ANXA8: variants seen among roughly 807,000 people sequenced by gnomAD.
ANXA8 encodes annexin A8.
ANXA8 carries 9 observed loss-of-function variants against 26.8 expected under a neutral mutation model. The observed-to-expected ratio is 0.34, with a 90% CI of 0.20 to 0.59. ANXA8 has a LOEUF of 0.59. Among genes scored for constraint, ANXA8 ranks in the 20% least tolerant of loss-of-function variants. ANXA8 has a pLI of 0.84. For synonymous variants in ANXA8, 39 were observed against 94.8 expected (o/e 0.41, Z 3.42); for missense variants, 83 against 238.5 (o/e 0.35, Z 4.29).
At chr10:47,639,292 C>T in the ANXA8 span, among the ~76,000 whole-genome samples, 6 of 137,754 alleles carry the variant, frequency 4.4e-5, no homozygotes, top group Admixed American at 2.2e-4. Context: ...GCTACCACGC[C>T]CGGCTAATTA....
the ANXA8 span, chr10:47,502,743 A>C: frequency 2.0e-6 from 3 of 1,535,150 alleles, no homozygotes; most frequent in South Asian, 2.3e-5. Flanking sequence ...CCATGGCCTC[A>C]CTCTGGCTGG....
chr10:47,669,979 A>G, the ANXA8 span, among the ~76,000 whole-genome samples: 1 of 151,852 alleles, frequency 6.6e-6, no homozygotes, highest in Non-Finnish European at 1.5e-5. Context: ...CTATCACACC[A>G]AAAAGAAACC....
the ANXA8 span, among the ~76,000 whole-genome samples, chr10:47,520,845 A>C: frequency 3.8e-5 from 5 of 131,620 alleles, no homozygotes; most frequent in Non-Finnish European, 4.7e-5. Context: ...ATTTAAAAAA[A>C]AAAAAAAAAA....
chr10:47,547,357 C>G, the ANXA8 span, among the ~76,000 whole-genome samples: 1 of 141,404 alleles, frequency 7.1e-6, no homozygotes, highest in Non-Finnish European at 1.5e-5. Flanking sequence ...AAGCATAGAA[C>G]AGTGTATAAA....
chr10:47,620,975 A>G, the ANXA8 span, among the ~76,000 whole-genome samples: 1 of 110,122 alleles, frequency 9.1e-6, no homozygotes, highest in Non-Finnish European at 2.0e-5. Flanking sequence ...AGAGATTTAG[A>G]GCATTTTTCT....
At chr10:47,469,700 G>A (rs1175403907) in intron 11 of ANXA8, among the ~76,000 whole-genome samples, 1 of 151,232 alleles carries the variant, frequency 6.6e-6, no homozygotes, top group Non-Finnish European at 1.5e-5. Context: ...GGCCAAGAGA[G>A]GGGAGTGAAT....
chr10:47,582,430 T>C, the ANXA8 span: 2 of 142,412 alleles, frequency 1.4e-5, no homozygotes, highest in South Asian at 2.2e-4. Flanking sequence ...AGAATAAAAA[T>C]ATTTAAATTA....
At chr10:47,694,577 C>T in the ANXA8 span, among the ~76,000 whole-genome samples, 48 of 151,680 alleles carry the variant, frequency 3.2e-4, no homozygotes, top group African/African-American at 1.1e-3. Flanking sequence ...CCCGCCACCA[C>T]GCCTGACTAA....
the ANXA8 span, among the ~76,000 whole-genome samples, chr10:47,617,645 T>G: frequency 6.7e-5 from 10 of 148,448 alleles, no homozygotes; most frequent in South Asian, 2.1e-3. Context: ...GCTATCGCAG[T>G]TAAACTGCCC....
chr10:47,674,558 T>C, the ANXA8 span, among the ~76,000 whole-genome samples: 1 of 151,596 alleles, frequency 6.6e-6, no homozygotes, highest in Non-Finnish European at 1.5e-5. Flanking sequence ...TTACTCTTTT[T>C]TCTCCTCTGT....
At chr10:47,743,746 T>C in the ANXA8 span, among the ~76,000 whole-genome samples, 5 of 150,366 alleles carry the variant, frequency 3.3e-5, no homozygotes, top group Non-Finnish European at 7.4e-5. Context: ...GATCGCGCTC[T>C]GCCAGCACCC....
At chr10:47,623,162 A>G in the ANXA8 span, among the ~76,000 whole-genome samples, 2 of 109,056 alleles carry the variant, frequency 1.8e-5, no homozygotes, top group Non-Finnish European at 4.0e-5. Flanking sequence ...GGAAATGAAT[A>G]TAAGGAGATC....
the ANXA8 span, among the ~76,000 whole-genome samples, chr10:47,944,768 T>A: frequency 1.3e-5 from 2 of 150,294 alleles, no homozygotes; most frequent in African/African-American, 5.0e-5. Flanking sequence ...GAACTGTGAG[T>A]CGATTAAACC....
At chr10:47,651,331 G>A in the ANXA8 span, among the ~76,000 whole-genome samples, 2 of 150,868 alleles carry the variant, frequency 1.3e-5, no homozygotes, top group East Asian at 1.9e-4. Flanking sequence ...CTGTTGGTGA[G>A]GATGTGGAGA....
chr10:47,658,503 A>G, the ANXA8 span, among the ~76,000 whole-genome samples: 3 of 148,108 alleles, frequency 2.0e-5, no homozygotes, highest in Admixed American at 2.0e-4. Flanking sequence ...AGTACTTAAC[A>G]TATATAACCT....
upstream of ANXA8, chr10:47,487,238 T>C (rs1343377384): frequency 0.02 from 24,646 of 1,221,732 alleles, 213 homozygotes; most frequent in Admixed American, 0.028. Flanking sequence ...CATGGCTTTT[T>C]ATTGAGACTG....
the ANXA8 span, among the ~76,000 whole-genome samples, chr10:47,969,060 C>T: frequency 6.7e-6 from 1 of 148,886 alleles, no homozygotes; most frequent in African/African-American, 2.5e-5. Context: ...TTGTAGGGTG[C>T]CTCCAGGCCC....
the ANXA8 span, among the ~76,000 whole-genome samples, chr10:47,656,042 C>CA: frequency 6.6e-6 from 1 of 151,610 alleles, no homozygotes. Flanking sequence ...AACTTTTGCT[C>CA]AAAGGCAGGT....
chr10:47,546,396 A>AC, the ANXA8 span, among the ~76,000 whole-genome samples: 1 of 59,574 alleles, frequency 1.7e-5, no homozygotes, highest in African/African-American at 9.1e-5. Context: ...GATAAGACCA[A>AC]TTTTTTTTTT....
Sources: allele counts gnomAD v4.1 joint callset (sites outside exome capture counted in the v4.1 genomes callset), GRCh38; gene constraint gnomAD v4.1.1; transcripts MANE v1.5; gene names NCBI Gene and HGNC (gene_info 2026-07-23, HGNC 2026-07-21).